The following HTR4 variants were observed in gnomAD, a reference collection of about 807,000 sequenced individuals.
HTR4 encodes the protein 5-hydroxytryptamine receptor 4, also known as 5-hydroxytryptamine (serotonin) receptor 4, G protein-coupled.
In HTR4, 16 loss-of-function variants were observed where a neutral mutation model predicts 36.8. The ratio of observed to expected loss-of-function variants is 0.43; its 90% CI spans 0.29 to 0.66. The LOEUF is 0.66. HTR4 is among the 30% of genes least tolerant of loss of function. HTR4 has a pLI of 0.13. For synonymous variants in HTR4, 189 were observed against 185.1 expected (o/e 1.02, Z -0.17); for missense variants, 438 against 490.9 (o/e 0.89, Z 1.02).
chr5:148,650,585 G>C (rs1015875173), intron 1 of HTR4, among the ~76,000 whole-genome samples: 1 of 152,086 alleles, frequency 6.6e-6, no homozygotes, highest in African/African-American at 2.4e-5. Flanking sequence ...TAAAAAAAAT[G>C]GTGACTTTAA....
chr5:148,482,204 G>A lies in HTR4; in HGVS notation c.*999C>T, dbSNP rs75532635. 4,472 of 985,524 alleles carry A rather than the reference G, an allele frequency of 4.5e-3. 163 individuals are homozygous for A. In the African/African-American group the frequency reaches 0.072, roughly 16 times the overall value. The allele number at this position is 985,524 out of a possible 1,614,324, so 61.0% of individuals were successfully genotyped here. A position where few individuals can be genotyped will look rare whatever the true frequency, so the allele number is the denominator to read the frequency against. On this transcript the variant is annotated 3_prime_UTR_variant, in exon 7 of 7. Transcript: ENST00000377888. ...CCTCCTGCACCTTGGGGGAGCTGCA[G>A]GGGAAAATGAGTTTCCCCAGTGTGA... is the stretch of plus-strand genomic sequence containing the variant.
chr5:148,476,793 A>G (rs771949132), downstream of HTR4: 3 of 1,609,626 alleles, frequency 1.9e-6, no homozygotes, highest in African/African-American at 1.3e-5. Context: ...CACACTGAAA[A>G]GCATATCAAA....
chr5:148,507,087 C>T (rs374762772), intron 6 of HTR4, among the ~76,000 whole-genome samples: 12 of 151,868 alleles, frequency 7.9e-5, no homozygotes, highest in East Asian at 1.9e-4. Context: ...ATGTTTATTG[C>T]GGCACTATTC....
chr5:148,636,063 C>A (rs1561662506), intron 2 of HTR4, among the ~76,000 whole-genome samples: 1 of 152,064 alleles, frequency 6.6e-6, no homozygotes, highest in East Asian at 1.9e-4. Flanking sequence ...GGGATTTTGC[C>A]AGGGATCATG....
chr5:148,515,454 C>A (rs1381703039), intron 5 of HTR4, among the ~76,000 whole-genome samples: 1 of 152,164 alleles, frequency 6.6e-6, no homozygotes, highest in Admixed American at 6.5e-5. Context: ...TATGGTGTTT[C>A]AATCTGGGAT....
At chr5:148,628,552 G>A (rs773491734) in intron 2 of HTR4, 6 of 152,148 alleles carry the variant, frequency 3.9e-5, no homozygotes, top group Non-Finnish European at 7.3e-5. Flanking sequence ...GAGATAGTTT[G>A]TCTTTGGAGA....
At chr5:148,511,178 AT>A (rs1379520023) in intron 5 of HTR4, among the ~76,000 whole-genome samples, 1 of 152,122 alleles carries the variant, frequency 6.6e-6, no homozygotes, top group African/African-American at 2.4e-5. Flanking sequence ...TTTTTCGAAT[AT>A]TTTATTGAAC....
At chr5:148,484,684 A>T (rs1307449715) in intron 6 of HTR4, among the ~76,000 whole-genome samples, 1 of 152,168 alleles carries the variant, frequency 6.6e-6, no homozygotes, top group East Asian at 1.9e-4. Flanking sequence ...TTCCAGTTGG[A>T]AGTCTATTCT....
downstream of HTR4, among the ~76,000 whole-genome samples, chr5:148,478,478 G>C (rs143849473): frequency 1.3e-5 from 2 of 152,110 alleles, no homozygotes; most frequent in African/African-American, 4.8e-5. Context: ...ATTTTCTAAC[G>C]GGGAGGTGTG....
At chr5:148,637,160 T>G (rs1275859140) in intron 1 of HTR4, 99 bp from the exon 2 acceptor site, 1 of 748,368 alleles carries the variant, frequency 1.3e-6, no homozygotes, top group East Asian at 2.7e-5. Flanking sequence ...CTTCCTATTA[T>G]GACTTGTTTT....
At position 148,632,001 on chromosome 5, in the gene HTR4, C is replaced by G. The variant is rs192428370; in HGVS notation, c.26+4988G>C. The stretch of plus-strand genomic sequence containing the variant: ...CAGTTAAAAAATATTTAGTGGCTCC[C>G]TAGTACCGTCATCAAGCCTACCAAA... On this transcript the variant is annotated intron_variant, in intron 2 of 6. Coordinates refer to ENST00000377888, the MANE Select transcript of HTR4 (RefSeq NM_000870.7). 1.9e-3 allele frequency among the ~76,000 whole-genome samples: 283 copies of G among 152,160 alleles called. 3 individuals are homozygous for G. Among genetic ancestry groups the G allele is most frequent in the African/African-American group, 6.3e-3 (261 of 41,526 alleles).
intron 2 of HTR4, among the ~76,000 whole-genome samples, chr5:148,557,006 T>C (rs1759977034): frequency 6.6e-6 from 1 of 152,196 alleles, no homozygotes; most frequent in Non-Finnish European, 1.5e-5. Context: ...AGATTTTTCA[T>C]GTTCACTATC....
intron 6 of HTR4, among the ~76,000 whole-genome samples, chr5:148,499,588 G>A (rs1756842092): frequency 6.6e-6 from 1 of 152,188 alleles, no homozygotes; most frequent in Non-Finnish European, 1.5e-5. Flanking sequence ...CACAGAAAAA[G>A]TGTCTTGATT....
intron 6 of HTR4, among the ~76,000 whole-genome samples, chr5:148,507,644 C>T (rs1011362918): frequency 6.0e-5 from 9 of 151,112 alleles, no homozygotes; most frequent in Non-Finnish European, 1.2e-4. Context: ...TCTAAATTGT[C>T]TCTTTGCTTT....
chr5:148,576,645 G>A (rs539255258), intron 2 of HTR4, among the ~76,000 whole-genome samples: 1 of 152,162 alleles, frequency 6.6e-6, no homozygotes. Flanking sequence ...GAATAGAATA[G>A]AGAGCCCTGA....
chr5:148,483,144 C>T lies in HTR4; in HGVS notation c.*59G>A. On this transcript the variant is annotated 3_prime_UTR_variant, in exon 7 of 7. Coordinates refer to ENST00000377888, the MANE Select transcript of HTR4 (RefSeq NM_000870.7). ...GGGTGCAGTCGCGCACAAGCAGCAG[C>T]TTAGGACCTGGCCCTCTTTCGGAGG... 1.2e-6 allele frequency: 2 copies of T among 1,612,516 alleles called. No individual in the cohort carries two copies. The highest frequency in any genetic ancestry group is 2.2e-5 in the East Asian group (1 of 44,792).
intron 2 of HTR4, 109 bp downstream of exon 2, chr5:148,636,880 G>A: frequency 1.5e-6 from 1 of 677,592 alleles, no homozygotes; most frequent in Non-Finnish European, 2.6e-6. Flanking sequence ...AAACATCAAA[G>A]AAAATCCACA....
At chr5:148,551,720 A>C (rs1449680673) in intron 2 of HTR4, among the ~76,000 whole-genome samples, 1 of 152,200 alleles carries the variant, frequency 6.6e-6, no homozygotes, top group Non-Finnish European at 1.5e-5. Flanking sequence ...CACATAACAT[A>C]CACTAACACT....
intron 2 of HTR4, among the ~76,000 whole-genome samples, chr5:148,591,185 C>T (rs1198217637): frequency 1.3e-5 from 2 of 152,048 alleles, no homozygotes; most frequent in South Asian, 2.1e-4. Context: ...TCCATTGGTC[C>T]ATGTGCATGT....
Sources: allele counts gnomAD v4.1 joint callset (sites outside exome capture counted in the v4.1 genomes callset), GRCh38; gene constraint gnomAD v4.1.1; transcripts MANE v1.5; gene names NCBI Gene and HGNC (gene_info 2026-07-23, HGNC 2026-07-21).